CYSTM1: variants seen among roughly 807,000 people sequenced by gnomAD.
CYSTM1 encodes the protein cysteine rich transmembrane module containing 1, also known as cysteine-rich transmembrane module-containing protein 1.
In CYSTM1, 4 loss-of-function variants were observed where a neutral mutation model predicts 13.1. The ratio of observed to expected loss-of-function variants is 0.31; its 90% confidence interval spans 0.15 to 0.70. The LOEUF (loss-of-function observed/expected upper bound fraction) is 0.70. Ranked by LOEUF, CYSTM1 falls within the 30% of genes least tolerant of loss-of-function variation. CYSTM1 has a pLI of 0.72. For synonymous variants in CYSTM1, 36 were observed against 42.7 expected (o/e 0.84, Z 0.62); for missense variants, 96 against 121.6 (o/e 0.79, Z 0.99).
intron 2 of CYSTM1, among the ~76,000 whole-genome samples, chr5:140,217,098 T>G (rs1764438177): frequency 6.6e-6 from 1 of 152,200 alleles, no homozygotes; most frequent in Non-Finnish European, 1.5e-5. Context: ...TTCTTTCTTT[T>G]TTAAGTAGCG....
intron 1 of CYSTM1, among the ~76,000 whole-genome samples, chr5:140,194,235 G>C (rs532635920): frequency 6.6e-6 from 1 of 152,202 alleles, no homozygotes; most frequent in Non-Finnish European, 1.5e-5. Flanking sequence ...CTACAGTCTA[G>C]TGGAGGAAAT....
At chr5:140,236,488 T>C (rs1210364274) in intron 2 of CYSTM1, among the ~76,000 whole-genome samples, 1 of 152,182 alleles carries the variant, frequency 6.6e-6, no homozygotes, top group African/African-American at 2.4e-5. Context: ...TTATGAAAAA[T>C]AGCATTTGAA....
chr5:140,224,390 C>T (rs571329650), intron 2 of CYSTM1, among the ~76,000 whole-genome samples: 3 of 152,274 alleles, frequency 2.0e-5, no homozygotes, highest in South Asian at 2.1e-4. Context: ...CCGCCCGCCT[C>T]GGCCTCCCAA....
chr5:140,236,189 GTCTGACTTAAATTATTA>G (rs1430658460), intron 2 of CYSTM1, among the ~76,000 whole-genome samples: 1 of 152,188 alleles, frequency 6.6e-6, no homozygotes, highest in Admixed American at 6.5e-5. Flanking sequence ...AATTATTTAA[GTCTGACTTAAATTATTA>G]TCTGTACGTC....
At chr5:140,182,654 A>T (rs1763972622) in intron 1 of CYSTM1, among the ~76,000 whole-genome samples, 1 of 151,546 alleles carries the variant, frequency 6.6e-6, no homozygotes, top group Non-Finnish European at 1.5e-5. Context: ...ACTCATCAAT[A>T]ACCCAAACTA....
chr5:140,184,882 T>A (rs981536684), intron 1 of CYSTM1, among the ~76,000 whole-genome samples: 3 of 152,228 alleles, frequency 2.0e-5, no homozygotes, highest in African/African-American at 7.2e-5. Flanking sequence ...GGAGACAAGA[T>A]TGACTGTAGT....
At position 140,194,489 on chromosome 5, in the gene CYSTM1, A is replaced by G. The variant is rs200996835; in HGVS notation, c.24A>G (p.Pro8=). The G allele has an allele frequency of 1.2e-6, 2 of 1,603,694 alleles. No individual in the cohort carries two copies. Among genetic ancestry groups the G allele is most frequent in the Non-Finnish European group, 1.7e-6 (2 of 1,177,230 alleles). The change falls in exon 2 of 3, where the codon CCA becomes CCG. Residue 8 remains proline (P), a synonymous_variant. Transcript: ENST00000261811. ...CGATGAACCAAGAGAACCCTCCACC[A>G]TATCCAGGCCCTGGTCCAACGGCCC... is the stretch of plus-strand genomic sequence containing the variant. The part of the protein sequence containing the change: MNQENPP[P]YPGPGPTAPY...
chr5:140,226,525 A>AATATATTTATATATATTAATAATATAAT (rs1764554569), intron 2 of CYSTM1, among the ~76,000 whole-genome samples: 1 of 122,388 alleles, frequency 8.2e-6, no homozygotes, highest in South Asian at 2.4e-4. Context: ...AATAATATAT[A>AATATATTTATATATATTAATAATATAAT]ATATATTTAT....
chr5:140,199,554 G>T (rs576766970), intron 2 of CYSTM1, among the ~76,000 whole-genome samples: 2 of 152,234 alleles, frequency 1.3e-5, no homozygotes, highest in South Asian at 2.1e-4. Context: ...GCAGTGGCGC[G>T]ATCTTGACTT....
At position 140,175,976 on chromosome 5, in the gene CYSTM1, A is replaced by T. The variant is rs1326675765; in HGVS notation, c.-21+691A>T. Among the ~76,000 whole-genome samples the T allele has an allele frequency of 6.6e-6, 1 of 151,862 alleles. No individual in the cohort carries two copies. Among genetic ancestry groups the T allele is most frequent in the Non-Finnish European group, 1.5e-5 (1 of 67,948 alleles). ...TAGCAGTGGAGGTTGCAGGGGGGAG[A>T]GAAGGAGGGGAGGACCCCTGGGGAA... On this transcript the variant is annotated intron_variant, in intron 1 of 2. Coordinates refer to ENST00000261811, the MANE Select transcript of CYSTM1 (RefSeq NM_032412.4). This position sits in a 1 kb window ranked among gnomAD's most constrained non-coding sequence, Gnocchi z 4.9.
intron 1 of CYSTM1, among the ~76,000 whole-genome samples, chr5:140,183,184 C>T (rs188660393): frequency 3.9e-5 from 6 of 152,296 alleles, no homozygotes; most frequent in Admixed American, 3.3e-4. Flanking sequence ...GGGAAGTGGC[C>T]TTATCAGGCT....
intron 2 of CYSTM1, among the ~76,000 whole-genome samples, chr5:140,228,480 G>A (rs367550283): frequency 2.7e-4 from 41 of 152,314 alleles, no homozygotes; most frequent in African/African-American, 7.9e-4. Context: ...TGGGTTTCCT[G>A]GTCAGCTTGG....
chr5:140,200,648 C>G (rs1230451910), intron 2 of CYSTM1: 2 of 145,876 alleles, frequency 1.4e-5, no homozygotes, highest in African/African-American at 5.0e-5. Flanking sequence ...GCAAACTCTG[C>G]CTCCCGGGTT....
At chr5:140,217,514 A>G (rs979482887) in intron 2 of CYSTM1, among the ~76,000 whole-genome samples, 1 of 152,024 alleles carries the variant, frequency 6.6e-6, no homozygotes, top group Non-Finnish European at 1.5e-5. Flanking sequence ...TGCTTGCTTG[A>G]TTCTCTTCCA....
At chr5:140,221,799 C>T (rs961594965) in intron 2 of CYSTM1, among the ~76,000 whole-genome samples, 1 of 152,230 alleles carries the variant, frequency 6.6e-6, no homozygotes, top group Non-Finnish European at 1.5e-5. Flanking sequence ...CAAAAGTCAG[C>T]TTTACTCACC....
chr5:140,226,496 A>T (rs1462061625), intron 2 of CYSTM1, among the ~76,000 whole-genome samples: 2 of 104,174 alleles, frequency 1.9e-5, no homozygotes, highest in African/African-American at 4.0e-5. Context: ...TATATATATA[A>T]TATATATAAA....
At chr5:140,178,712 C>T (rs549867142) in intron 1 of CYSTM1, among the ~76,000 whole-genome samples, 3 of 152,022 alleles carry the variant, frequency 2.0e-5, no homozygotes, top group South Asian at 4.1e-4. Context: ...GCCATCCTCC[C>T]GACTCAGTCT....
At position 140,239,060 on chromosome 5, in the gene CYSTM1, TG is replaced by T. The variant is rs1321195850; in HGVS notation, c.188-4243del. On this transcript the variant is annotated intron_variant, in intron 2 of 2. Coordinates refer to ENST00000261811, the MANE Select transcript of CYSTM1 (RefSeq NM_032412.4). This position sits in a 1 kb window ranked among gnomAD's most constrained non-coding sequence, Gnocchi z 5.4. The stretch of plus-strand genomic sequence containing the variant: ...GGCATCAGAACCCTCTGGGAGGCTC[TG>T]GTCTTTCTGTTTGCCTTTCCCGCCT... Among the ~76,000 whole-genome samples, 1 of 152,214 alleles carries T rather than the reference TG, an allele frequency of 6.6e-6. No homozygotes were observed. Among genetic ancestry groups the T allele is most frequent in the Non-Finnish European group, 1.5e-5 (1 of 68,026 alleles).
intron 1 of CYSTM1, among the ~76,000 whole-genome samples, chr5:140,179,855 G>T (rs986099388): frequency 2.6e-5 from 4 of 151,962 alleles, no homozygotes; most frequent in African/African-American, 7.3e-5. Flanking sequence ...TAGAGACGGG[G>T]TTTCACCACG....
Sources: gnomAD v4.1 joint callset for allele counts (sites outside exome capture counted in the v4.1 genomes callset) on GRCh38, gnomAD v4.1.1 for gene constraint, Gnocchi (gnomAD v3.1) non-coding constraint, MANE v1.5 for transcripts, NCBI Gene and HGNC (gene_info 2026-07-23, HGNC 2026-07-21) for gene names.